The following ALMS1 variants were observed in gnomAD, a reference collection of about 807,000 sequenced individuals.
ALMS1 encodes the protein ALMS1 centrosome and basal body associated protein, also known as centrosome-associated protein ALMS1.
A neutral mutation model predicts 352.2 loss-of-function variants in ALMS1; 271 were observed. The observed-to-expected ratio is 0.77, with a 90% CI of 0.70 to 0.85. ALMS1 has a LOEUF of 0.85. ALMS1 is among the 40% of genes least tolerant of loss of function. ALMS1 has a pLI of 0.00. For synonymous variants in ALMS1, 1,865 were observed against 1,761.2 expected, an observed-to-expected ratio of 1.06 and a Z score of -1.48; for missense variants, 5,445 against 4,870.7, an observed-to-expected ratio of 1.12 and a Z score of -3.51.
At position 73,424,816 on chromosome 2, in the gene ALMS1, G is replaced by A; in HGVS notation, c.1151G>A (p.Arg384Lys). 6.2e-7 allele frequency: 1 copy of A among 1,610,116 alleles called. No homozygotes were observed. The highest frequency in any genetic ancestry group is 8.5e-7 in the Non-Finnish European group (1 of 1,177,326). The part of the protein sequence containing the change: ...DITDENIATK[R>K]SDHFDAARSY... Reference sequence around the variant, plus strand: ...ACTGATGAAAACATAGCTACTAAAAGAAGTGACCATTTTGATGCTGCTCGT... The same window carrying A: ...ACTGATGAAAACATAGCTACTAAAAAAAGTGACCATTTTGATGCTGCTCGT... Residue 384 changes from arginine (R) to lysine (K), a missense_variant, in exon 5 of 23, where the codon AGA becomes AAA. Physicochemically the swap from Arg to Lys is conservative, Grantham distance 26. Transcript: ENST00000613296.
At chr2:73,425,733 C>G (rs1449899219) in intron 5 of ALMS1, among the ~76,000 whole-genome samples, 3 of 152,102 alleles carry the variant, frequency 2.0e-5, no homozygotes, top group Non-Finnish European at 4.4e-5. Flanking sequence ...ATGATGAAAC[C>G]TCTTTATTTG....
rs185624348 is a variant in ALMS1 at position 73,474,239 on chromosome 2, A to T, written c.7675-15395A>T. 7.2e-4 allele frequency among the ~76,000 whole-genome samples: 109 copies of T among 152,228 alleles called. 2 individuals are homozygous for T. In the East Asian group the frequency reaches 0.02, roughly 28 times the overall value. Reference sequence around the variant, plus strand: ...AAATACTGTGGTAATTTATATATTTAAAAAATTGAGAATTTTTTTAAAACA... The same window carrying T: ...AAATACTGTGGTAATTTATATATTTTAAAAATTGAGAATTTTTTTAAAACA... On this transcript the variant is annotated intron_variant, in intron 9 of 22. Transcript: ENST00000613296.
intron 12 of ALMS1, among the ~76,000 whole-genome samples, chr2:73,543,781 C>A (rs1035728425): frequency 2.3e-4 from 35 of 152,076 alleles, no homozygotes; most frequent in African/African-American, 8.5e-4. Context: ...TCATCACTGG[C>A]CGTCAGAGAA....
intron 10 of ALMS1, among the ~76,000 whole-genome samples, chr2:73,503,255 G>A (rs979934531): frequency 2.0e-5 from 3 of 146,616 alleles, no homozygotes; most frequent in African/African-American, 5.0e-5. Context: ...CCCCTTCCCC[G>A]ACCCCACAAC....
intron 9 of ALMS1, among the ~76,000 whole-genome samples, chr2:73,475,993 A>G (rs964274641): frequency 5.3e-5 from 8 of 152,034 alleles, no homozygotes; most frequent in African/African-American, 1.7e-4. Context: ...CAATCTCTAT[A>G]GCTTTTTAAA....
At chr2:73,426,337 C>T (rs1218972314) in intron 5 of ALMS1, 116 bp from the exon 6 acceptor site, 25 of 979,638 alleles carry the variant, frequency 2.6e-5, no homozygotes, top group Admixed American at 5.1e-5. Context: ...TAATTGCAGT[C>T]GCCCAAGAGA....
At chr2:73,520,104 G>C in intron 11 of ALMS1, 88 bp downstream of exon 11, 1 of 1,545,490 alleles carries the variant, frequency 6.5e-7, no homozygotes, top group Non-Finnish European at 8.9e-7. Context: ...TTTCTAGTCA[G>C]AAAACCTAAT....
chr2:73,455,956 A>G (rs577282276), intron 9 of ALMS1, among the ~76,000 whole-genome samples: 1 of 152,332 alleles, frequency 6.6e-6, no homozygotes, highest in African/African-American at 2.4e-5. Context: ...GTACACAGCT[A>G]TAATAGCTTA....
At chr2:73,544,360 T>C (rs1298091448) in intron 12 of ALMS1, among the ~76,000 whole-genome samples, 1 of 151,980 alleles carries the variant, frequency 6.6e-6, no homozygotes, top group Admixed American at 6.6e-5. Flanking sequence ...CACTGGGGCC[T>C]GTTGTGGGGT....
chr2:73,452,196 T>C lies in ALMS1; in HGVS notation c.5669T>C (p.Ile1890Thr). The change falls in exon 8 of 23, where the codon ATA becomes ACA. Residue 1890 changes from isoleucine (I) to threonine (T), a missense_variant. By Grantham distance (89) the Ile-to-Thr change is moderately conservative (BLOSUM62 -1). Transcript: ENST00000613296. The stretch of plus-strand genomic sequence containing the variant: ...GCTGACCAGAAGACTGGGATACAAA[T>C]AGCATCCTCTAGTTCCTACTCAAAT... ...GPADQKTGIQ[I>T]ASSSSYSNRE... is the part of the protein sequence containing the mutation. 1 of 1,614,030 alleles carries C rather than the reference T, an allele frequency of 6.2e-7. No homozygotes were observed. Among genetic ancestry groups the C allele is most frequent in the South Asian group, 1.1e-5 (1 of 91,066 alleles).
chr2:73,549,275 C>T lies in ALMS1; in HGVS notation c.9908-992C>T, dbSNP rs373178026. 1.1e-4 allele frequency among the ~76,000 whole-genome samples: 16 copies of T among 152,260 alleles called. No individual in the cohort carries two copies. In the East Asian group the frequency reaches 1.7e-3, roughly 17 times the overall value. On this transcript the variant is annotated intron_variant, in intron 12 of 22. Transcript: ENST00000613296. ...ATATATTTTAAAAGAAAATTAAATACTTTCAAATCTTTTACTTATCATCTG... is the reference window on the plus strand; with the variant it reads ...ATATATTTTAAAAGAAAATTAAATATTTTCAAATCTTTTACTTATCATCTG...
chr2:73,546,171 T>G (rs963756535), intron 12 of ALMS1, among the ~76,000 whole-genome samples: 1 of 152,202 alleles, frequency 6.6e-6, no homozygotes, highest in Non-Finnish European at 1.5e-5. Context: ...ATGCTGACTT[T>G]AAACCCTGAA....
intron 9 of ALMS1, among the ~76,000 whole-genome samples, chr2:73,485,749 G>C (rs1397775511): frequency 6.6e-6 from 1 of 152,158 alleles, no homozygotes; most frequent in Middle Eastern, 3.2e-3. Context: ...AGGACGCTCG[G>C]AGCCAGGTGC....
chr2:73,527,863 G>T (rs1673824703), intron 11 of ALMS1, among the ~76,000 whole-genome samples: 1 of 151,062 alleles, frequency 6.6e-6, no homozygotes, highest in African/African-American at 2.4e-5. Context: ...GTTTTTCTAT[G>T]TTTTTTTAAT....
At chr2:73,400,652 G>T (rs1020195621) in intron 1 of ALMS1, among the ~76,000 whole-genome samples, 52 of 152,262 alleles carry the variant, frequency 3.4e-4, no homozygotes, top group Non-Finnish European at 6.9e-4. Flanking sequence ...CTATTTTTGT[G>T]TCAGATTTGA....
intron 9 of ALMS1, among the ~76,000 whole-genome samples, chr2:73,468,481 G>A (rs6711285): frequency 0.08 from 12,103 of 151,902 alleles, 1,222 homozygotes; most frequent in African/African-American, 0.23. Context: ...ACCACCATCC[G>A]TCTCCAAGAC....
chr2:73,559,993 C>T (rs1307769006), intron 15 of ALMS1, among the ~76,000 whole-genome samples: 1 of 152,122 alleles, frequency 6.6e-6, no homozygotes, highest in Non-Finnish European at 1.5e-5. Context: ...TCAGATGTGA[C>T]ACCAAAAACA....
At chr2:73,447,904 A>G (rs1671838305) in intron 7 of ALMS1, 56 bp from the exon 8 acceptor site, 2 of 1,513,156 alleles carry the variant, frequency 1.3e-6, no homozygotes, top group Non-Finnish European at 8.8e-7. Context: ...TTTCCAGCAC[A>G]TAGAATTTTA....
intron 1 of ALMS1, among the ~76,000 whole-genome samples, chr2:73,406,960 G>C (rs780496066): frequency 1.3e-5 from 2 of 152,070 alleles, no homozygotes; most frequent in Non-Finnish European, 2.9e-5. Flanking sequence ...CATTTTACTG[G>C]TGTCACAAGT....
Sources: gnomAD v4.1 joint callset for allele counts (sites outside exome capture counted in the v4.1 genomes callset) on GRCh38, gnomAD v4.1.1 for gene constraint, MANE v1.5 for transcripts, NCBI Gene and HGNC (gene_info 2026-07-23, HGNC 2026-07-21) for gene names.